Variants in MAP3K15 observed in about 807,000 individuals in gnomAD.
The protein encoded by MAP3K15 is MAPK/ERK kinase kinase 15.
A neutral mutation model predicts 99.5 loss-of-function variants in MAP3K15; 124 were observed. The ratio of observed to expected loss-of-function variants is 1.25; its 90% confidence interval spans 1.08 to 1.45. MAP3K15 has a LOEUF of 1.45. Among genes scored for constraint, MAP3K15 ranks in the 40% most tolerant of loss-of-function variants. The pLI, the probability that MAP3K15 is intolerant of heterozygous loss-of-function variation, is 0.00. For synonymous variants in MAP3K15, 494 were observed against 439.6 expected (o/e 1.12, Z -1.55); for missense variants, 1,242 against 1,079.7 (o/e 1.15, Z -2.11).
chrX:19,382,310 A>G (rs138126577), intron 18 of MAP3K15, among the ~76,000 whole-genome samples: 1,867 of 108,896 alleles, frequency 0.017, 39 homozygotes, highest in African/African-American at 0.06. Context: ...GTTTGGAGAA[A>G]CTACCTCCTG....
chrX:19,515,345 G>A lies in MAP3K15; in HGVS notation c.-84C>T. On this transcript the variant is annotated 5_prime_UTR_variant, in exon 1 of 29. Coordinates refer to ENST00000338883, the MANE Select transcript of MAP3K15 (RefSeq NM_001001671.4). The stretch of plus-strand genomic sequence containing the variant: ...GGCACAAGTTACAGCAGCCGCGCAG[G>A]CGGTCCCGGCACCTGCTCCTGAAGC... 1 of 605,654 alleles carries A rather than the reference G, an allele frequency of 1.7e-6. No homozygotes were observed. Among genetic ancestry groups the A allele is most frequent in the Non-Finnish European group, 2.0e-6 (1 of 491,742 alleles). 49.9% of individuals were successfully genotyped at this position (605,654 alleles called of 1,213,427 possible).
Position 19,447,702 on chromosome X carries a change from G to T in MAP3K15, c.995+9211C>A, listed in dbSNP as rs778334136. Reference sequence around the variant, plus strand: ...ATGGAGACCATCCCGGCTAAAAGCGGTGAAACCCCGTCTCTACTAAAAATA... The same window carrying T: ...ATGGAGACCATCCCGGCTAAAAGCGTTGAAACCCCGTCTCTACTAAAAATA... On this transcript the variant is annotated intron_variant, in intron 6 of 28. Coordinates refer to ENST00000338883, the MANE Select transcript of MAP3K15 (RefSeq NM_001001671.4). Among the ~76,000 whole-genome samples, 22 of 96,403 alleles carry T rather than the reference G, an allele frequency of 2.3e-4. No individual in the cohort carries two copies. In the East Asian group the frequency reaches 7.3e-3, roughly 32 times the overall value. The allele number at this position is 96,403 out of a possible 115,157, so 83.7% of individuals were successfully genotyped here. A position where few individuals can be genotyped will look rare whatever the true frequency, so the allele number is the denominator to read the frequency against.
chrX:19,401,527 G>A (rs1439633001), intron 13 of MAP3K15, among the ~76,000 whole-genome samples: 1 of 111,664 alleles, frequency 9.0e-6, no homozygotes, highest in Non-Finnish European at 1.9e-5. Flanking sequence ...CCCAAGACCA[G>A]TGTTCAGAGG....
At chrX:19,414,854 C>T (rs2063720173) in intron 10 of MAP3K15, among the ~76,000 whole-genome samples, 1 of 111,702 alleles carries the variant, frequency 9.0e-6, no homozygotes. Context: ...CCAAAAATGT[C>T]TCCGGACATT....
Position 19,464,368 on chromosome X carries a change from C to T in MAP3K15, c.564G>A (p.Val188=), listed in dbSNP as rs897850916. 2 of 1,192,477 alleles carry T rather than the reference C, an allele frequency of 1.7e-6. No homozygotes were observed. ...SGNYYFIPYI[V]TPCADYFCCE... The stretch of plus-strand genomic sequence containing the variant: ...AGCAAAAATAATCAGCGCACGGTGT[C>T]ACGATGTATGGGATGAAATAATAAT... Residue 188 remains valine (V), a synonymous_variant, in exon 4 of 29, where the codon GTG becomes GTA. Transcript: ENST00000338883.
At position 19,371,424 on chromosome X, in the gene MAP3K15, G is replaced by C; in HGVS notation, c.3215C>G (p.Ser1072Ter). 1.7e-6 allele frequency: 2 copies of C among 1,211,432 alleles called. No homozygotes were observed. Among genetic ancestry groups the C allele is most frequent in the Non-Finnish European group, 2.2e-6 (2 of 895,185 alleles). The change falls in exon 23 of 29, where the codon TCA becomes TGA. Residue 1072 changes from serine (S) to a stop codon, truncating the protein, a stop_gained. Coordinates refer to ENST00000338883, the MANE Select transcript of MAP3K15 (RefSeq NM_001001671.4). LOFTEE classifies it high-confidence loss of function. Reference protein sequence around the residue: ...PEHRVMATTISKLKVDLDFDS... With the variant: ...PEHRVMATTI Reference sequence around the variant, plus strand: ...AAAGTCCAGGTCCACCTTGAGCTTTGATATTGTGGTCGCCATCACCCGGTG... The same window carrying C: ...AAAGTCCAGGTCCACCTTGAGCTTTCATATTGTGGTCGCCATCACCCGGTG...
At chrX:19,440,339 C>T (rs1826997144) in intron 6 of MAP3K15, among the ~76,000 whole-genome samples, 1 of 112,209 alleles carries the variant, frequency 8.9e-6, no homozygotes, top group Non-Finnish European at 1.9e-5. Flanking sequence ...CCGATTGGAC[C>T]CTGACAAATA....
chrX:19,398,101 G>A, intron 15 of MAP3K15, 125 bp downstream of exon 15: 1 of 577,985 alleles, frequency 1.7e-6, no homozygotes, highest in Non-Finnish European at 2.6e-6. Flanking sequence ...CCTATTACAA[G>A]AGAATGACAG....
intron 2 of MAP3K15, 102 bp from the exon 3 acceptor site, chrX:19,486,607 G>C: frequency 2.9e-6 from 1 of 349,369 alleles, no homozygotes; most frequent in Non-Finnish European, 4.7e-6. Flanking sequence ...AATCATGTAA[G>C]AATTAATCAC....
At chrX:19,440,987 A>G (rs1001745855) in intron 6 of MAP3K15, among the ~76,000 whole-genome samples, 5 of 112,041 alleles carry the variant, frequency 4.5e-5, no homozygotes, top group Non-Finnish European at 7.5e-5. Context: ...AGTACAGTCA[A>G]AAGTGCAAAC....
intron 7 of MAP3K15, among the ~76,000 whole-genome samples, chrX:19,430,217 C>G (rs751987522): frequency 1.8e-5 from 2 of 112,127 alleles, no homozygotes; most frequent in Non-Finnish European, 3.8e-5. Flanking sequence ...CGTGTGAGTT[C>G]CCGAACCTAA....
chrX:19,455,333 T>TTTTTTTC (rs1326160041), intron 6 of MAP3K15, among the ~76,000 whole-genome samples: 51 of 104,185 alleles, frequency 4.9e-4, no homozygotes, highest in African/African-American at 1.8e-3. Flanking sequence ...TTTCTATGTC[T>TTTTTTTC]TTTTTTCTTT....
intron 25 of MAP3K15, among the ~76,000 whole-genome samples, chrX:19,365,208 C>CAA (rs141602108): frequency 2.7e-5 from 2 of 74,793 alleles, no homozygotes; most frequent in Non-Finnish European, 6.0e-5. Context: ...AACTCCATCT[C>CAA]AAAAAAAAAA....
chrX:19,452,958 G>A (rs913420442), intron 6 of MAP3K15, among the ~76,000 whole-genome samples: 1 of 110,562 alleles, frequency 9.0e-6, no homozygotes, highest in Non-Finnish European at 1.9e-5. Flanking sequence ...CAGTAGTGCT[G>A]TACGATTTCA....
At chrX:19,406,519 C>T (rs1436770465) in intron 13 of MAP3K15, among the ~76,000 whole-genome samples, 1 of 111,945 alleles carries the variant, frequency 8.9e-6, no homozygotes, top group Admixed American at 9.5e-5. Flanking sequence ...CCAGAATAGG[C>T]AGAGCCATAG....
intron 13 of MAP3K15, among the ~76,000 whole-genome samples, chrX:19,401,506 T>A (rs1296258090): frequency 1.8e-5 from 2 of 111,888 alleles, no homozygotes; most frequent in African/African-American, 6.5e-5. Context: ...GTATTATTCT[T>A]GAAGTCTGGC....
Position 19,395,071 on chromosome X carries a change from GACT to G in MAP3K15, c.2194+7_2194+9del, listed in dbSNP as rs775749568. 1 of 1,204,491 alleles carries G rather than the reference GACT, an allele frequency of 8.3e-7. No individual in the cohort carries two copies. Among genetic ancestry groups the G allele is most frequent in the East Asian group, 3.0e-5 (1 of 33,510 alleles). On this transcript the variant is annotated splice_region_variant and intron_variant, in intron 16 of 28. Coordinates refer to ENST00000338883, the MANE Select transcript of MAP3K15 (RefSeq NM_001001671.4). ...TCAGAATGTGAGACCAGAAGACAGC[GACT>G]ACTCACCTCCAGGCACCTGCTCCAT...
At chrX:19,470,248 G>A (rs1241576404) in intron 3 of MAP3K15, among the ~76,000 whole-genome samples, 4 of 111,300 alleles carry the variant, frequency 3.6e-5, no homozygotes, top group Non-Finnish European at 7.5e-5. Flanking sequence ...CATGTCCTTT[G>A]TAGGGACATG....
intron 1 of MAP3K15, chrX:19,497,077 C>T (rs1472219575): frequency 9.0e-6 from 1 of 111,116 alleles, no homozygotes. Context: ...CATAGCCAGA[C>T]AGTGCTTTAC....
Sources: gnomAD v4.1 joint callset for allele counts (sites outside exome capture counted in the v4.1 genomes callset) on GRCh38, gnomAD v4.1.1 for gene constraint, MANE v1.5 for transcripts, NCBI Gene and HGNC (gene_info 2026-07-23, HGNC 2026-07-21) for gene names.